Variants in RAPGEF5 observed in about 807,000 individuals in gnomAD.
RAPGEF5 encodes Rap guanine nucleotide exchange factor 5, also known as M-Ras-regulated GEF.
Under a neutral mutation model 125.2 loss-of-function variants are expected in RAPGEF5, and 65 were observed. That is an observed-to-expected ratio of 0.52 (90% CI 0.43 to 0.64). The LOEUF (loss-of-function observed/expected upper bound fraction) is 0.64. RAPGEF5 is among the 30% of genes least tolerant of loss of function. The pLI, the probability that RAPGEF5 is intolerant of heterozygous loss-of-function variation, is 0.00. For synonymous variants in RAPGEF5, 391 were observed against 385.9 expected (o/e 1.01, Z -0.16); for missense variants, 958 against 1,048.1 (o/e 0.91, Z 1.19).
At chr7:22,187,502 T>C (rs550198272) in intron 11 of RAPGEF5, among the ~76,000 whole-genome samples, 2 of 152,364 alleles carry the variant, frequency 1.3e-5, no homozygotes, top group African/African-American at 4.8e-5. Flanking sequence ...ATCCAGGAAT[T>C]TGTGTCATGT....
In RAPGEF5 at chr7:22,303,545, T is replaced by C. The variant is rs145997919; in HGVS notation, c.680+4794A>G. Among the ~76,000 whole-genome samples, 8 of 152,352 alleles carry C rather than the reference T, an allele frequency of 5.3e-5. 1 individual carries two copies. Among genetic ancestry groups the C allele is most frequent in the African/African-American group, 1.9e-4 (8 of 41,576 alleles). On this transcript the variant is annotated intron_variant, in intron 5 of 25. Coordinates refer to ENST00000665637, the MANE Select transcript of RAPGEF5 (RefSeq NM_012294.5). ...AGAGCCATTAAATGGTTTCCTTGCA[T>C]TATTTTGAAGACACTTAGAAGACAG...
chr7:22,246,280 GC>G (rs2128137212), intron 7 of RAPGEF5, among the ~76,000 whole-genome samples: 1 of 152,166 alleles, frequency 6.6e-6, no homozygotes, highest in South Asian at 2.1e-4. Context: ...GCAATCCTAA[GC>G]AAAAGGAACA....
intron 11 of RAPGEF5, chr7:22,191,629 A>G (rs547115783): frequency 1.5e-5 from 7 of 470,652 alleles, no homozygotes; most frequent in African/African-American, 1.4e-4. Flanking sequence ...ATGTGATCCC[A>G]GGGGTTGGTA....
At chr7:22,213,468 T>C (rs1189362337) in intron 9 of RAPGEF5, among the ~76,000 whole-genome samples, 1 of 152,232 alleles carries the variant, frequency 6.6e-6, no homozygotes, top group South Asian at 2.1e-4. Flanking sequence ...CTGTTTTCCA[T>C]GTATAAATTC....
intron 7 of RAPGEF5, among the ~76,000 whole-genome samples, chr7:22,239,305 T>A (rs1327011201): frequency 2.0e-5 from 3 of 152,196 alleles, no homozygotes; most frequent in Admixed American, 2.0e-4. Flanking sequence ...AGCCCATGGT[T>A]CTATAGAAAA....
chr7:22,343,194 C>T (rs1784160309), intron 1 of RAPGEF5, among the ~76,000 whole-genome samples: 1 of 152,116 alleles, frequency 6.6e-6, no homozygotes, highest in Non-Finnish European at 1.5e-5. Flanking sequence ...GGAAACTCCC[C>T]TTTTTAAAAC....
intron 6 of RAPGEF5, among the ~76,000 whole-genome samples, chr7:22,289,567 G>C (rs1392135970): frequency 1.3e-5 from 2 of 152,186 alleles, no homozygotes; most frequent in Non-Finnish European, 2.9e-5. Context: ...TAAACAGATG[G>C]CTAATTATAA....
intron 9 of RAPGEF5, among the ~76,000 whole-genome samples, chr7:22,198,507 TTAAGA>T (rs531716229): frequency 6.6e-6 from 1 of 152,332 alleles, no homozygotes; most frequent in South Asian, 2.1e-4. Flanking sequence ...TGGCCACTAC[TTAAGA>T]TAATATAAGT....
chr7:22,281,261 G>A (rs1782667165), intron 6 of RAPGEF5, among the ~76,000 whole-genome samples: 1 of 152,158 alleles, frequency 6.6e-6, no homozygotes, highest in Non-Finnish European at 1.5e-5. Flanking sequence ...ACCCAGGTTA[G>A]AGAGCAGTGG....
In RAPGEF5 at chr7:22,291,164, C is replaced by T. The variant is rs117217389; in HGVS notation, c.747+11G>A. 7,792 of 1,576,850 alleles carry T rather than the reference C, an allele frequency of 4.9e-3. 82 individuals carry two copies. The highest frequency in any genetic ancestry group is 0.048 in the East Asian group (2,119 of 44,166). On this transcript the variant is annotated intron_variant, in intron 6 of 25. Coordinates refer to ENST00000665637, the MANE Select transcript of RAPGEF5 (RefSeq NM_012294.5). ...TCTGCACCCCTAGGCAGGAAAATTG[C>T]ATGGTCTTACCGCAGATGTTAGACG...
chr7:22,156,891 G>A lies in RAPGEF5; in HGVS notation c.1558-3C>T. The stretch of plus-strand genomic sequence containing the variant: ...AATTGGTGGAAAAGGGCTTTATTCT[G>A]TGAGATGGGAGAAAGAGAACAATGA... On this transcript the variant is annotated splice_region_variant and splice_polypyrimidine_tract_variant and intron_variant, in intron 15 of 25. Transcript: ENST00000665637. 1 of 1,613,818 alleles carries A rather than the reference G, an allele frequency of 6.2e-7. No individual in the cohort carries two copies. Among genetic ancestry groups the A allele is most frequent in the Non-Finnish European group, 8.5e-7 (1 of 1,179,792 alleles).
chr7:22,292,100 G>C (rs893624142), intron 5 of RAPGEF5, among the ~76,000 whole-genome samples: 11 of 152,234 alleles, frequency 7.2e-5, no homozygotes, highest in East Asian at 5.8e-4. Flanking sequence ...GGGGGCGGAG[G>C]GGGGATTGGA....
intron 1 of RAPGEF5, among the ~76,000 whole-genome samples, chr7:22,327,927 T>C (rs1286268289): frequency 6.6e-6 from 1 of 152,144 alleles, no homozygotes; most frequent in Non-Finnish European, 1.5e-5. Flanking sequence ...AATGTAAAAT[T>C]ATATAAAGAG....
At chr7:22,197,711 A>G (rs1394935681) in intron 9 of RAPGEF5, among the ~76,000 whole-genome samples, 2 of 152,218 alleles carry the variant, frequency 1.3e-5, no homozygotes, top group East Asian at 1.9e-4. Flanking sequence ...AAGCTCACTC[A>G]TGGGCAAGTA....
At chr7:22,249,974 G>A (rs1022198947) in intron 7 of RAPGEF5, among the ~76,000 whole-genome samples, 1 of 152,194 alleles carries the variant, frequency 6.6e-6, no homozygotes, top group Non-Finnish European at 1.5e-5. Flanking sequence ...GACGACCACT[G>A]CTTTAGAAAA....
intron 1 of RAPGEF5, among the ~76,000 whole-genome samples, chr7:22,333,957 A>C (rs1783976479): frequency 6.6e-6 from 1 of 150,604 alleles, no homozygotes; most frequent in Non-Finnish European, 1.5e-5. Context: ...ACTGACCCTG[A>C]AGGCAAAGGA....
At chr7:22,143,442 TCCCTTCTCAATTCAGTTCAAA>T (rs1783329355) in intron 20 of RAPGEF5, among the ~76,000 whole-genome samples, 1 of 152,140 alleles carries the variant, frequency 6.6e-6, no homozygotes, top group South Asian at 2.1e-4. Context: ...AAATCCCTTC[TCCCTTCTCAATTCAGTTCAAA>T]CCCTTCAATC....
At position 22,187,009 on chromosome 7, in the gene RAPGEF5, T is replaced by C. The variant is rs148154694; in HGVS notation, c.1204+6358A>G. Among the ~76,000 whole-genome samples the C allele has an allele frequency of 3.3e-5, 5 of 152,336 alleles. No individual in the cohort carries two copies. In the East Asian group the frequency reaches 9.6e-4, roughly 29 times the overall value. ...GGACAAGGTTATATAAAAACACACT[T>C]AAATCATCACCAGGTATGGCCACTG... On this transcript the variant is annotated intron_variant, in intron 11 of 25. Transcript: ENST00000665637.
intron 14 of RAPGEF5, among the ~76,000 whole-genome samples, chr7:22,159,258 A>G (rs754650695): frequency 1.3e-5 from 2 of 152,226 alleles, no homozygotes; most frequent in Non-Finnish European, 2.9e-5. Context: ...ACCAGCATTT[A>G]CAACATCCAT....
Sources: gnomAD v4.1 joint callset for allele counts (sites outside exome capture counted in the v4.1 genomes callset) on GRCh38, gnomAD v4.1.1 for gene constraint, MANE v1.5 for transcripts, NCBI Gene and HGNC (gene_info 2026-07-23, HGNC 2026-07-21) for gene names.